Variants in PID1 observed in about 807,000 individuals in gnomAD.
PID1 encodes the protein PTB-containing, cubilin and LRP1-interacting protein.
PID1 carries 10 observed loss-of-function variants against 19.1 expected under a neutral mutation model. That is an observed-to-expected ratio of 0.52 (90% confidence interval 0.32 to 0.89). The LOEUF (loss-of-function observed/expected upper bound fraction) is 0.89. Ranked by LOEUF, PID1 falls within the 40% of genes least tolerant of loss-of-function variation. The pLI is 0.03. For synonymous variants in PID1, 130 were observed against 116.0 expected (o/e 1.12, Z -0.78); for missense variants, 248 against 285.3 (o/e 0.87, Z 0.94).
At chr2:229,107,469 T>C (rs1695199863) in intron 2 of PID1, among the ~76,000 whole-genome samples, 1 of 143,628 alleles carries the variant, frequency 7.0e-6, no homozygotes, top group Non-Finnish European at 1.5e-5. Context: ...AAGAGAACAG[T>C]GAGATGTGTC....
chr2:229,190,386 T>C (rs1456323900), intron 1 of PID1, among the ~76,000 whole-genome samples: 1 of 152,230 alleles, frequency 6.6e-6, no homozygotes, highest in Non-Finnish European at 1.5e-5. Flanking sequence ...CCAGTCTGTC[T>C]ATCCCAATGG....
At position 229,204,885 on chromosome 2, in the gene PID1, C is replaced by G. The variant is rs144456351; in HGVS notation, c.31-48921G>C. Among the ~76,000 whole-genome samples the G allele has an allele frequency of 3.6e-3, 543 of 152,168 alleles. 8 individuals are homozygous for G. Among genetic ancestry groups the G allele is most frequent in the African/African-American group, 0.012 (515 of 41,514 alleles). On this transcript the variant is annotated intron_variant, in intron 1 of 2. Transcript: ENST00000392055. Reference sequence around the variant, plus strand: ...TCCAGGAGCCTAATGCTACTATTCTCTAGGTCAGATTTATGGTGTGAAACT... The same window carrying G: ...TCCAGGAGCCTAATGCTACTATTCTGTAGGTCAGATTTATGGTGTGAAACT...
At chr2:229,105,032 G>C (rs975948311) in intron 2 of PID1, among the ~76,000 whole-genome samples, 1 of 152,186 alleles carries the variant, frequency 6.6e-6, no homozygotes, top group Non-Finnish European at 1.5e-5. Context: ...TTTGTGGTGC[G>C]TCAGTTAACC....
rs117373846 is a variant in PID1, at chr2:229,199,982, T to A, written c.31-44018A>T. Among the ~76,000 whole-genome samples, 16 of 152,096 alleles carry A rather than the reference T, an allele frequency of 1.1e-4. No homozygotes were observed. The East Asian group carries it at 3.1e-3, about 30-fold the overall frequency. ...ATTTTAACAATTGCTAATAATTGTA[T>A]TTCACATCAAGACTTTCAGTAGGTC... On this transcript the variant is annotated intron_variant, in intron 1 of 2. Coordinates refer to ENST00000392055, the MANE Select transcript of PID1 (RefSeq NM_001100818.2).
chr2:229,237,950 C>T (rs1284876046), intron 1 of PID1, among the ~76,000 whole-genome samples: 3 of 152,182 alleles, frequency 2.0e-5, no homozygotes, highest in Non-Finnish European at 1.5e-5. Context: ...CTTTTACTCT[C>T]CTCTACTAAA....
chr2:229,066,019 C>A (rs145712176), intron 2 of PID1, among the ~76,000 whole-genome samples: 2 of 152,118 alleles, frequency 1.3e-5, no homozygotes, highest in Non-Finnish European at 2.9e-5. Context: ...CACCAACAAC[C>A]TTTCTACTTC....
chr2:229,133,222 A>C (rs898934628), intron 2 of PID1, among the ~76,000 whole-genome samples: 3 of 152,202 alleles, frequency 2.0e-5, no homozygotes, highest in Admixed American at 2.0e-4. Context: ...ATAATAACTA[A>C]ATATTGTTTA....
chr2:229,039,357 G>A (rs184815391), intron 2 of PID1, among the ~76,000 whole-genome samples: 99 of 152,196 alleles, frequency 6.5e-4, no homozygotes, highest in Middle Eastern at 3.4e-3. Flanking sequence ...GAAAAACAAC[G>A]ATAAAATTTA....
chr2:229,066,756 C>T (rs1694335269), intron 2 of PID1, among the ~76,000 whole-genome samples: 2 of 151,830 alleles, frequency 1.3e-5, no homozygotes, highest in Admixed American at 1.3e-4. Flanking sequence ...CTATAATCCC[C>T]CTCCATTAAG....
At chr2:229,156,114 A>T in intron 1 of PID1, 150 bp from the exon 2 acceptor site, 2 of 655,474 alleles carry the variant, frequency 3.1e-6, no homozygotes, top group South Asian at 3.9e-5. Flanking sequence ...AGGAGGGGGA[A>T]CTGTGTCCTG....
chr2:229,190,753 T>TTTTGTTTG (rs148814869), intron 1 of PID1, among the ~76,000 whole-genome samples: 4 of 152,144 alleles, frequency 2.6e-5, no homozygotes, highest in African/African-American at 9.7e-5. Flanking sequence ...TTCTATTGTT[T>TTTTGTTTG]TTTGTTTGTT....
intron 2 of PID1, among the ~76,000 whole-genome samples, chr2:229,082,715 C>A (rs1691722641): frequency 6.6e-6 from 1 of 152,144 alleles, no homozygotes; most frequent in South Asian, 2.1e-4. Context: ...CCACAAGAAA[C>A]AACTCTGCCA....
In PID1 at chr2:229,187,192, G is replaced by C. The variant is rs144625954; in HGVS notation, c.31-31228C>G. ...GTTCCAAACTTTCCCACATTTTCCT[G>C]TCTTCTTCTGAGCCCTTCAAACTGT... On this transcript the variant is annotated intron_variant, in intron 1 of 2. Coordinates refer to ENST00000392055, the MANE Select transcript of PID1 (RefSeq NM_001100818.2). Among the ~76,000 whole-genome samples, 733 of 152,174 alleles carry C rather than the reference G, an allele frequency of 4.8e-3. 4 individuals carry two copies. The highest frequency in any genetic ancestry group is 6.0e-3 in the Non-Finnish European group (405 of 68,022).
intron 1 of PID1, among the ~76,000 whole-genome samples, chr2:229,265,563 C>T (rs192288002): frequency 1.3e-4 from 20 of 152,264 alleles, no homozygotes; most frequent in South Asian, 8.3e-4. Flanking sequence ...TTTGGACAAA[C>T]GACTCAACTA....
intron 1 of PID1, among the ~76,000 whole-genome samples, chr2:229,253,178 G>A (rs542839230): frequency 6.6e-6 from 1 of 152,300 alleles, no homozygotes; most frequent in East Asian, 1.9e-4. Context: ...AGCTCAGACA[G>A]ACTAAGGCCA....
chr2:229,262,757 A>T lies in PID1; in HGVS notation c.30+8257T>A. ...CCATCCAAAAGCTCTGGAGAAGAAC[A>T]TGTCCTCGACTCTTCTAACATCAGG... On this transcript the variant is annotated intron_variant, in intron 1 of 2. Transcript: ENST00000392055. 1.9e-6 allele frequency: 3 copies of T among 1,551,604 alleles called. 1 individual carries two copies. In the South Asian group the frequency reaches 3.6e-5, roughly 18 times the overall value.
chr2:229,243,328 G>A (rs1023366884), intron 1 of PID1, among the ~76,000 whole-genome samples: 1 of 152,086 alleles, frequency 6.6e-6, no homozygotes, highest in African/African-American at 2.4e-5. Context: ...TTCAAGATGA[G>A]ATTTGGGTGG....
At chr2:229,123,570 T>A (rs1695564778) in intron 2 of PID1, among the ~76,000 whole-genome samples, 1 of 152,198 alleles carries the variant, frequency 6.6e-6, no homozygotes, top group African/African-American at 2.4e-5. Flanking sequence ...ATACGGTAAC[T>A]CCAGTTTAAC....
intron 1 of PID1, among the ~76,000 whole-genome samples, chr2:229,254,322 C>T (rs1313687556): frequency 2.0e-5 from 3 of 152,184 alleles, no homozygotes; most frequent in Non-Finnish European, 4.4e-5. Flanking sequence ...TCTGCTTCTA[C>T]ATAAACAGTC....
Sources: gnomAD v4.1 joint callset for allele counts (sites outside exome capture counted in the v4.1 genomes callset) on GRCh38, gnomAD v4.1.1 for gene constraint, MANE v1.5 for transcripts, NCBI Gene and HGNC (gene_info 2026-07-23, HGNC 2026-07-21) for gene names.